The following SLC8A1 variants were observed in gnomAD, a reference collection of about 807,000 sequenced individuals.
The protein encoded by SLC8A1 is solute carrier family 8 member A1.
Under a neutral mutation model 68.3 loss-of-function variants are expected in SLC8A1, and 18 were observed. The observed-to-expected ratio is 0.26, with a 90% CI of 0.18 to 0.39. SLC8A1 has a LOEUF of 0.39. Ranked by LOEUF, SLC8A1 falls within the 10% of genes least tolerant of loss-of-function variation. The pLI is 1.00. For missense variants in SLC8A1, 985 were observed against 1,156.7 expected (o/e 0.85, Z 2.15); for synonymous variants, 475 against 415.5 (o/e 1.14, Z -1.74).
intron 2 of SLC8A1, among the ~76,000 whole-genome samples, chr2:40,233,236 T>G (rs2059919364): frequency 6.6e-6 from 1 of 152,218 alleles, no homozygotes; most frequent in Non-Finnish European, 1.5e-5. Flanking sequence ...GTGTTCCTAT[T>G]TCTCCACATC....
intron 7 of SLC8A1, among the ~76,000 whole-genome samples, chr2:40,131,171 T>C (rs2039254916): frequency 4.6e-5 from 7 of 152,154 alleles, no homozygotes; most frequent in Admixed American, 4.6e-4. Flanking sequence ...CTTAGAGGAG[T>C]TAAGCAATTT....
chr2:40,139,730 C>G (rs997937252), intron 6 of SLC8A1, 54 bp from the exon 10 acceptor site: 13 of 1,569,964 alleles, frequency 8.3e-6, no homozygotes, highest in Non-Finnish European at 1.1e-5. Flanking sequence ...GCCGGGTCTT[C>G]CTCTCTCTCA....
At chr2:40,422,041 G>A (rs898362805) in intron 2 of SLC8A1, among the ~76,000 whole-genome samples, 2 of 152,112 alleles carry the variant, frequency 1.3e-5, no homozygotes, top group African/African-American at 4.8e-5. Context: ...ACAGCAGCTT[G>A]AGTCCTGCCT....
At chr2:40,231,277 A>G (rs2059612733) in intron 2 of SLC8A1, among the ~76,000 whole-genome samples, 2 of 152,192 alleles carry the variant, frequency 1.3e-5, no homozygotes, top group South Asian at 4.1e-4. Context: ...GTATGCACAT[A>G]TATTAGACAC....
exon 8 of SLC8A1, chr2:40,102,151 C>T (rs1200345520): frequency 6.6e-6 from 1 of 152,122 alleles, no homozygotes; most frequent in African/African-American, 2.4e-5. Flanking sequence ...TACAGCAAAC[C>T]TATAAGTAAA....
chr2:40,148,976 G>A (rs2042944827), intron 6 of SLC8A1, among the ~76,000 whole-genome samples: 1 of 152,022 alleles, frequency 6.6e-6, no homozygotes, highest in South Asian at 2.1e-4. Context: ...CATGCATCAC[G>A]ATGTTGTGAT....
intron 2 of SLC8A1, among the ~76,000 whole-genome samples, chr2:40,373,734 A>C (rs765040988): frequency 5.9e-5 from 9 of 152,098 alleles, no homozygotes; most frequent in Non-Finnish European, 1.3e-4. Context: ...ACAAACAAAC[A>C]GTAGATAAAC....
intron 2 of SLC8A1, among the ~76,000 whole-genome samples, chr2:40,194,468 AATGTGT>A (rs1264973189): frequency 2.4e-5 from 3 of 126,636 alleles, no homozygotes; most frequent in Admixed American, 2.3e-4. Flanking sequence ...CTCAGTAAGC[AATGTGT>A]GTGTGTGTGT....
intron 4 of SLC8A1, among the ~76,000 whole-genome samples, chr2:40,172,721 T>C (rs1168686144): frequency 6.6e-6 from 1 of 152,102 alleles, no homozygotes; most frequent in Non-Finnish European, 1.5e-5. Flanking sequence ...GGTGGGTGGA[T>C]CACGAGGTCA....
chr2:40,111,689 G>T (rs183030775), exon 8 of SLC8A1: 2 of 152,184 alleles, frequency 1.3e-5, no homozygotes, highest in East Asian at 3.9e-4. Context: ...GATATATGAA[G>T]TTAATAAGAT....
chr2:40,348,828 C>T (rs1473379376), intron 2 of SLC8A1, among the ~76,000 whole-genome samples: 1 of 152,160 alleles, frequency 6.6e-6, no homozygotes, highest in Non-Finnish European at 1.5e-5. Context: ...TCCCCACAGT[C>T]GTAACACATG....
At chr2:40,288,037 C>A (rs1428380978) in intron 2 of SLC8A1, among the ~76,000 whole-genome samples, 1 of 152,072 alleles carries the variant, frequency 6.6e-6, no homozygotes, top group East Asian at 1.9e-4. Flanking sequence ...TTCTGCTTTC[C>A]CCTTCTGCTG....
At chr2:40,341,126 G>C (rs1387006982) in intron 2 of SLC8A1, among the ~76,000 whole-genome samples, 1 of 152,100 alleles carries the variant, frequency 6.6e-6, no homozygotes, top group African/African-American at 2.4e-5. Flanking sequence ...TGCCTTGTTT[G>C]GTGTGTACTA....
At position 40,240,036 on chromosome 2, in the gene SLC8A1, C is replaced by T. The variant is rs557527205; in HGVS notation, c.1809-62181G>A. Among the ~76,000 whole-genome samples, 16 of 152,284 alleles carry T rather than the reference C, an allele frequency of 1.1e-4. No individual in the cohort carries two copies. In the South Asian group the frequency reaches 2.9e-3, roughly 28 times the overall value. On this transcript the variant is annotated intron_variant, in intron 2 of 7. Transcript: ENST00000406785. ...AAGCCAACTGTGAAACCAGCGCTTA[C>T]CTCCAAGTCAAGAGCCTGGGAAACA... is the stretch of plus-strand genomic sequence containing the variant.
exon 2 of SLC8A1, chr2:40,430,142 C>G (rs766064333): frequency 3.7e-6 from 6 of 1,613,830 alleles, no homozygotes; most frequent in Non-Finnish European, 4.2e-6. Flanking sequence ...GTACATTCAC[C>G]AGTTTCATTT....
chr2:40,226,151 C>T (rs927606426), intron 2 of SLC8A1, among the ~76,000 whole-genome samples: 2 of 152,070 alleles, frequency 1.3e-5, no homozygotes, highest in Non-Finnish European at 2.9e-5. Context: ...GCTGTGACAG[C>T]TACTTCACAA....
At chr2:40,468,037 T>G (rs1392485959) in intron 1 of SLC8A1, among the ~76,000 whole-genome samples, 1 of 152,168 alleles carries the variant, frequency 6.6e-6, no homozygotes, top group African/African-American at 2.4e-5. Flanking sequence ...TTTTACCCAT[T>G]TAAACATTGA....
exon 8 of SLC8A1, chr2:40,108,160 G>A (rs1342769278): frequency 1.3e-5 from 2 of 152,204 alleles, no homozygotes; most frequent in Non-Finnish European, 2.9e-5. Flanking sequence ...CTGTGAAGTT[G>A]TAAAATTTAG....
At chr2:40,259,898 G>C (rs1409608036) in intron 2 of SLC8A1, among the ~76,000 whole-genome samples, 1 of 151,942 alleles carries the variant, frequency 6.6e-6, no homozygotes, top group Non-Finnish European at 1.5e-5. Flanking sequence ...CATGTTTACT[G>C]CTCGCTGCAC....
Sources: gnomAD v4.1 joint callset for allele counts (sites outside exome capture counted in the v4.1 genomes callset) on GRCh38, gnomAD v4.1.1 for gene constraint, MANE v1.5 for transcripts, NCBI Gene and HGNC (gene_info 2026-07-23, HGNC 2026-07-21) for gene names.